The following PRKN variants were observed in gnomAD, a reference collection of about 807,000 sequenced individuals.
PRKN encodes the protein E3 ubiquitin-protein ligase parkin.
Under a neutral mutation model 59.5 loss-of-function variants are expected in PRKN, and 56 were observed. That is an observed-to-expected ratio of 0.94 (90% confidence interval 0.76 to 1.18). The LOEUF (loss-of-function observed/expected upper bound fraction) is 1.18. PRKN is among the 50% of genes most tolerant of loss of function. The pLI is 0.00. For synonymous variants in PRKN, 250 were observed against 222.1 expected (o/e 1.13, Z -1.12); for missense variants, 657 against 596.4 (o/e 1.10, Z -1.06).
At chr6:162,677,063 CAAAAAAAAAAA>C (rs536705591) in intron 1 of PRKN, among the ~76,000 whole-genome samples, 6 of 90,296 alleles carry the variant, frequency 6.6e-5, no homozygotes, top group Non-Finnish European at 1.3e-4. Context: ...ACATCTCAAT[CAAAAAAAAAAA>C]AAAAAAAAAT....
At chr6:162,601,579 C>T (rs1781714012) in intron 1 of PRKN, among the ~76,000 whole-genome samples, 1 of 152,128 alleles carries the variant, frequency 6.6e-6, no homozygotes, top group Non-Finnish European at 1.5e-5. Flanking sequence ...TCCTCGAACC[C>T]TCTTCCCAAC....
intron 3 of PRKN, among the ~76,000 whole-genome samples, chr6:162,237,036 C>G (rs376712995): frequency 6.6e-6 from 1 of 152,120 alleles, no homozygotes; most frequent in Non-Finnish European, 1.5e-5. Flanking sequence ...TCCCACTATT[C>G]GAATAGCCCA....
At chr6:162,611,903 C>G (rs1359274222) in intron 1 of PRKN, among the ~76,000 whole-genome samples, 3 of 151,974 alleles carry the variant, frequency 2.0e-5, no homozygotes, top group Non-Finnish European at 4.4e-5. Context: ...AGAAATGATA[C>G]AGCGGGGCGT....
intron 9 of PRKN, among the ~76,000 whole-genome samples, chr6:161,439,443 T>C (rs753946055): frequency 2.1e-4 from 32 of 152,146 alleles, no homozygotes; most frequent in Admixed American, 2.6e-4. Context: ...TAAGTACGAA[T>C]GCAAATAGGC....
rs190989136 is a variant in PRKN at position 161,419,967 on chromosome 6, G to A, written c.1084-33090C>T. ...TTAAGAACTTGATAAGGCTGGGCGT[G>A]GTGGCTCACGCCTGTAATCCCAGCA... On this transcript the variant is annotated intron_variant, in intron 9 of 11. Transcript: ENST00000366898. This position sits in a 1 kb window ranked among gnomAD's most constrained non-coding sequence, Gnocchi z 4.1. Among the ~76,000 whole-genome samples, 249 of 152,112 alleles carry A rather than the reference G, an allele frequency of 1.6e-3. 2 individuals carry two copies. Among genetic ancestry groups the A allele is most frequent in the African/African-American group, 5.9e-3 (244 of 41,532 alleles).
intron 4 of PRKN, among the ~76,000 whole-genome samples, chr6:162,108,703 G>A (rs1315484536): frequency 3.3e-5 from 5 of 152,286 alleles, no homozygotes; most frequent in South Asian, 2.1e-4. Context: ...AACGGTGAAC[G>A]GAGGACCTGT....
At chr6:162,363,742 A>T (rs1439020368) in intron 2 of PRKN, among the ~76,000 whole-genome samples, 1 of 152,126 alleles carries the variant, frequency 6.6e-6, no homozygotes, top group Non-Finnish European at 1.5e-5. Flanking sequence ...TAAAATTACA[A>T]CTCACTGGGA....
intron 2 of PRKN, among the ~76,000 whole-genome samples, chr6:162,332,272 T>A (rs1310711881): frequency 6.6e-6 from 1 of 152,160 alleles, no homozygotes; most frequent in Non-Finnish European, 1.5e-5. Flanking sequence ...CCAAAACCAG[T>A]GAGAGACAAG....
intron 6 of PRKN, among the ~76,000 whole-genome samples, chr6:161,894,524 C>T (rs996545152): frequency 6.6e-6 from 1 of 152,308 alleles, no homozygotes; most frequent in South Asian, 2.1e-4. Flanking sequence ...CCTCATTTCC[C>T]ATTTAGTGCT....
rs528776862 is a variant in PRKN at position 161,497,855 on chromosome 6, G to A, written c.1083+50999C>T. On this transcript the variant is annotated intron_variant, in intron 9 of 11. Coordinates refer to ENST00000366898, the MANE Select transcript of PRKN (RefSeq NM_004562.3). The surrounding 1 kb of genome is among the most constrained non-coding windows in gnomAD (Gnocchi z 4.6). ...TTGAGGCTAACTCTCCTCCCAAGGT[G>A]TCTCAAATAGAAAGGCTTGTTCCTG... Among the ~76,000 whole-genome samples the A allele has an allele frequency of 1.3e-5, 2 of 152,308 alleles. No individual in the cohort carries two copies. The highest frequency in any genetic ancestry group is 3.9e-4 in the East Asian group (2 of 5,180).
chr6:161,969,123 T>G (rs557493455), intron 6 of PRKN, among the ~76,000 whole-genome samples: 1 of 152,216 alleles, frequency 6.6e-6, no homozygotes, highest in Admixed American at 6.5e-5. Flanking sequence ...GAGCAGTGTT[T>G]CTGGAAAGGA....
chr6:162,289,733 G>A (rs1044451367), intron 2 of PRKN, among the ~76,000 whole-genome samples: 9 of 151,386 alleles, frequency 5.9e-5, no homozygotes, highest in Admixed American at 2.6e-4. Flanking sequence ...ACTCCATAAC[G>A]CCCATAAAAG....
intron 2 of PRKN, among the ~76,000 whole-genome samples, chr6:162,274,788 T>G (rs2128104444): frequency 6.6e-6 from 1 of 152,140 alleles, no homozygotes; most frequent in South Asian, 2.1e-4. Context: ...TTATAGAAAA[T>G]TTTATATTTG....
chr6:162,107,603 A>T (rs1780245575), intron 4 of PRKN, among the ~76,000 whole-genome samples: 1 of 152,220 alleles, frequency 6.6e-6, no homozygotes, highest in South Asian at 2.1e-4. Flanking sequence ...ACTTTATAAC[A>T]CTGACCAGGA....
intron 7 of PRKN, among the ~76,000 whole-genome samples, chr6:161,756,541 T>G (rs1458950510): frequency 6.6e-6 from 1 of 151,554 alleles, no homozygotes; most frequent in Non-Finnish European, 1.5e-5. Context: ...GTTTATCACA[T>G]GACAAGACCA....
chr6:162,023,473 C>T (rs1294798079), intron 5 of PRKN, among the ~76,000 whole-genome samples: 1 of 152,070 alleles, frequency 6.6e-6, no homozygotes, highest in Non-Finnish European at 1.5e-5. Flanking sequence ...GGGGCCAGGG[C>T]TCTCCTCCGA....
At chr6:162,211,864 C>G (rs942747151) in intron 3 of PRKN, among the ~76,000 whole-genome samples, 1 of 152,090 alleles carries the variant, frequency 6.6e-6, no homozygotes. Flanking sequence ...GATTGAGATT[C>G]ATAAAATCTC....
chr6:162,073,519 A>G (rs1396878598), intron 4 of PRKN, among the ~76,000 whole-genome samples: 1 of 152,086 alleles, frequency 6.6e-6, no homozygotes, highest in Non-Finnish European at 1.5e-5. Context: ...GTGGCACGAT[A>G]TGGCTCACTG....
Position 162,337,247 on chromosome 6 carries a change from A to G in PRKN, c.172-74482T>C, listed in dbSNP as rs561500456. 2.6e-5 allele frequency among the ~76,000 whole-genome samples: 4 copies of G among 152,206 alleles called. No individual in the cohort carries two copies. In the South Asian group the frequency reaches 6.2e-4, roughly 24 times the overall value. Reference sequence around the variant, plus strand: ...GGATTTCAAATAACCAAATATTTCTATTATAAAACACAACCCAAAATAACA... The same window carrying G: ...GGATTTCAAATAACCAAATATTTCTGTTATAAAACACAACCCAAAATAACA... On this transcript the variant is annotated intron_variant, in intron 2 of 11. Coordinates refer to ENST00000366898, the MANE Select transcript of PRKN (RefSeq NM_004562.3).
Sources: allele counts gnomAD v4.1 joint callset (sites outside exome capture counted in the v4.1 genomes callset), GRCh38; gene constraint gnomAD v4.1.1; non-coding constraint Gnocchi (gnomAD v3.1); transcripts MANE v1.5; gene names NCBI Gene and HGNC (gene_info 2026-07-23, HGNC 2026-07-21).